ITGB1: variants seen among roughly 807,000 people sequenced by gnomAD.
ITGB1 encodes the protein integrin subunit beta 1.
ITGB1 carries 24 observed loss-of-function variants against 86.5 expected under a neutral mutation model. That is an observed-to-expected ratio of 0.28 (90% confidence interval 0.20 to 0.39). The LOEUF (loss-of-function observed/expected upper bound fraction) is 0.39. Ranked by LOEUF, ITGB1 falls within the 10% of genes least tolerant of loss-of-function variation. ITGB1 has a pLI of 1.00. For synonymous variants in ITGB1, 323 were observed against 316.8 expected (o/e 1.02, Z -0.21); for missense variants, 556 against 946.9 (o/e 0.59, Z 5.42).
At chr10:32,921,799 T>A (rs961273526) in intron 9 of ITGB1, among the ~76,000 whole-genome samples, 1 of 151,902 alleles carries the variant, frequency 6.6e-6, no homozygotes, top group African/African-American at 2.4e-5. Context: ...TATATATGAG[T>A]GTGTACCTCC....
At chr10:32,939,991 C>T (rs1260979437) in intron 1 of ITGB1, among the ~76,000 whole-genome samples, 5 of 152,284 alleles carry the variant, frequency 3.3e-5, no homozygotes, top group Admixed American at 2.6e-4. Flanking sequence ...GGGACCACTT[C>T]CTGAAGGACC....
rs776687137 is a variant in ITGB1, at chr10:32,925,868, T to TA, written c.786+2dup. 6.5e-7 allele frequency: 1 copy of TA among 1,547,352 alleles called. No homozygotes were observed. The highest frequency in any genetic ancestry group is 1.1e-5 in the South Asian group (1 of 89,734). On this transcript the variant is annotated splice_region_variant and intron_variant, in intron 6 of 15. Transcript: ENST00000302278. ...TCCCCTGATAGGAAATGAATGCGCT[T>TA]ACTCCACAAACTGCAACTTGCATGA...
chr10:32,926,149 G>T (rs201002253), intron 5 of ITGB1, 40 bp from the exon 6 acceptor site: 3 of 1,319,574 alleles, frequency 2.3e-6, no homozygotes, highest in South Asian at 1.2e-5. Context: ...ATGAATGGAT[G>T]GATAGATGGA....
At chr10:32,945,847 G>A (rs995977719) in intron 1 of ITGB1, among the ~76,000 whole-genome samples, 1 of 152,172 alleles carries the variant, frequency 6.6e-6, no homozygotes, top group Admixed American at 6.5e-5. Flanking sequence ...AACCATATAT[G>A]CTGTATTTAT....
At chr10:32,944,032 A>G (rs1181473932) in intron 1 of ITGB1, among the ~76,000 whole-genome samples, 1 of 152,208 alleles carries the variant, frequency 6.6e-6, no homozygotes, top group African/African-American at 2.4e-5. Context: ...GCCCAGGGAC[A>G]GACAAGAGGG....
chr10:32,934,777 C>T (rs867493887), intron 2 of ITGB1, among the ~76,000 whole-genome samples: 1 of 151,972 alleles, frequency 6.6e-6, no homozygotes, highest in South Asian at 2.1e-4. Flanking sequence ...TGAAGTGGAA[C>T]CTTTGTTTAG....
chr10:32,942,466 A>G (rs1310952603), intron 1 of ITGB1, among the ~76,000 whole-genome samples: 2 of 152,284 alleles, frequency 1.3e-5, no homozygotes, highest in African/African-American at 4.8e-5. Flanking sequence ...ATTTGTTAAC[A>G]TGTCTTCCCT....
At chr10:32,910,076 T>C (rs1458182714) in intron 14 of ITGB1, 147 bp downstream of exon 14, 2 of 625,792 alleles carry the variant, frequency 3.2e-6, no homozygotes, top group Non-Finnish European at 5.8e-6. Flanking sequence ...GTTAATTAGA[T>C]AATATTTTAA....
In ITGB1 at chr10:32,910,429, T is replaced by C; in HGVS notation, c.1958A>G (p.Asn653Ser). 16 of 1,592,748 alleles carry C rather than the reference T, an allele frequency of 1.0e-5. No homozygotes were observed. The highest frequency in any genetic ancestry group is 1.4e-5 in the Non-Finnish European group (16 of 1,164,240). ...GCATGTGTCTTTCTTTTCTCCTTTA[T>C]TGAAGGCTCTGCACTGAACACATTC... ...HKECVQCRAF[N>S]KGEKKDTCTQ... is the part of the protein sequence containing the mutation. Residue 653 changes from asparagine to serine, a missense_variant, in exon 14 of 16, where the codon AAT (asparagine) becomes AGT (serine). Asn to Ser is a conservative substitution (Grantham distance 46). Coordinates refer to ENST00000302278, the MANE Select transcript of ITGB1 (RefSeq NM_002211.4).
At chr10:32,917,855 A>G (rs1488104542) in intron 11 of ITGB1, among the ~76,000 whole-genome samples, 2 of 152,244 alleles carry the variant, frequency 1.3e-5, no homozygotes, top group East Asian at 1.9e-4. Flanking sequence ...TATATACCCA[A>G]AGAATTATAA....
chr10:32,904,926 C>G (rs2094891986), intron 15 of ITGB1, among the ~76,000 whole-genome samples: 1 of 151,726 alleles, frequency 6.6e-6, no homozygotes, highest in African/African-American at 2.4e-5. Context: ...AAAGGTACAG[C>G]AAGGGTGAAA....
intron 1 of ITGB1, among the ~76,000 whole-genome samples, chr10:32,942,682 TC>T (rs1423285148): frequency 1.7e-4 from 16 of 91,764 alleles, no homozygotes; most frequent in South Asian, 1.7e-3. Context: ...TCTCTCTCTC[TC>T]TTTTTTTTTT....
chr10:32,911,654 C>G lies in ITGB1; in HGVS notation c.1725G>C (p.Lys575Asn). 1.2e-6 allele frequency: 2 copies of G among 1,614,114 alleles called. No individual in the cohort carries two copies. Among genetic ancestry groups the G allele is most frequent in the Non-Finnish European group, 1.7e-6 (2 of 1,179,962 alleles). Residue 575 changes from lysine (K) to asparagine (N), a missense_variant, in exon 13 of 16, where the codon AAG becomes AAC. Lys to Asn is a moderately conservative substitution (Grantham distance 94). This residue lies in a region of ITGB1 where 330 missense variants were observed against 531.5 expected (regional missense o/e 0.62). Transcript: ENST00000302278. ...TGGGGTTGCACTCACACACACGACA[C>G]TTGCAAACACCATTTCCTGCAATTA... Reference protein sequence around the residue: ...GLICGGNGVCKCRVCECNPNY... With the variant: ...GLICGGNGVCNCRVCECNPNY...
chr10:32,912,775 G>A (rs2094917634), intron 11 of ITGB1, among the ~76,000 whole-genome samples: 1 of 152,250 alleles, frequency 6.6e-6, no homozygotes, highest in Admixed American at 6.5e-5. Context: ...AACTTCTGCA[G>A]ACTTAAACAT....
intron 1 of ITGB1, chr10:32,955,589 T>C (rs942606443): frequency 1.3e-5 from 2 of 152,106 alleles, no homozygotes; most frequent in Non-Finnish European, 1.5e-5. Context: ...AGCCAAACAA[T>C]AAAAGCATTA....
chr10:32,911,470 G>C lies in ITGB1; in HGVS notation c.1909C>G (p.Leu637Val). 1 of 1,614,022 alleles carries C rather than the reference G, an allele frequency of 6.2e-7. No homozygotes were observed. The highest frequency in any genetic ancestry group is 8.5e-7 in the Non-Finnish European group (1 of 1,179,906). Residue 637 changes from leucine (L) to valine (V), a missense_variant, in exon 13 of 16, where the codon CTT (leucine) becomes GTT (valine). Around this residue, in one of 4 missense-constraint regions of ITGB1, gnomAD observed 330 missense variants for 531.5 expected, o/e 0.62. Coordinates refer to ENST00000302278, the MANE Select transcript of ITGB1 (RefSeq NM_002211.4). ...GQTCEMCQTC[L>V]GVCAEHKECV... is the part of the protein sequence containing the mutation. The stretch of plus-strand genomic sequence containing the variant: ...TACTTATGCTCAGCACAGACACCAA[G>C]GCAGGTCTGACACATCTCACACGTT...
chr10:32,949,293 T>C (rs886426378), intron 1 of ITGB1, among the ~76,000 whole-genome samples: 3 of 152,190 alleles, frequency 2.0e-5, no homozygotes, highest in African/African-American at 7.2e-5. Flanking sequence ...ACAGGTGGAA[T>C]TGAAACCTGA....
chr10:32,923,798 C>A (rs1333868870), intron 6 of ITGB1, 58 bp from the exon 7 acceptor site: 3 of 1,456,272 alleles, frequency 2.1e-6, no homozygotes, highest in Non-Finnish European at 2.8e-6. Flanking sequence ...CAACAAAAAT[C>A]CTTTAATTTT....
chr10:32,923,496 A>G, intron 7 of ITGB1, 89 bp downstream of exon 7: 1 of 1,178,014 alleles, frequency 8.5e-7, no homozygotes, highest in Non-Finnish European at 1.2e-6. Flanking sequence ...AACCCTGAGA[A>G]ACCCCAAGCC....
Sources: gnomAD v4.1 joint callset for allele counts (sites outside exome capture counted in the v4.1 genomes callset) on GRCh38, gnomAD v4.1.1 for gene constraint, gnomAD v4.1.1 regional missense constraint, MANE v1.5 for transcripts, NCBI Gene and HGNC (gene_info 2026-07-23, HGNC 2026-07-21) for gene names.